STARD13: variants seen among roughly 807,000 people sequenced by gnomAD.
The protein encoded by STARD13 is stAR-related lipid transfer protein 13.
A neutral mutation model predicts 106.4 loss-of-function variants in STARD13; 62 were observed. The observed-to-expected ratio is 0.58, with a 90% CI of 0.48 to 0.72. The LOEUF (loss-of-function observed/expected upper bound fraction) is 0.72. Among genes scored for constraint, STARD13 ranks in the 30% least tolerant of loss-of-function variants. The pLI is 0.00. For synonymous variants in STARD13, 565 were observed against 553.0 expected, an observed-to-expected ratio of 1.02 and a Z score of -0.31; for missense variants, 1,387 against 1,424.0, an observed-to-expected ratio of 0.97 and a Z score of 0.42.
At chr13:33,224,940 G>A (rs1474471914) in intron 1 of STARD13, among the ~76,000 whole-genome samples, 2 of 152,016 alleles carry the variant, frequency 1.3e-5, no homozygotes, top group Non-Finnish European at 2.9e-5. Context: ...AGGAACAAAT[G>A]ACAGTAAAAC....
intron 1 of STARD13, among the ~76,000 whole-genome samples, chr13:33,310,060 T>C (rs1168208423): frequency 6.6e-6 from 1 of 152,200 alleles, no homozygotes; most frequent in Non-Finnish European, 1.5e-5. Flanking sequence ...TGCAAAGGCT[T>C]TCTTCTTCCC....
chr13:33,672,367 G>A, the STARD13 span, among the ~76,000 whole-genome samples: 15 of 152,122 alleles, frequency 9.9e-5, no homozygotes, highest in Non-Finnish European at 2.1e-4. Flanking sequence ...GCCTGTCACA[G>A]GGTGGGGACA....
chr13:33,505,443 G>A, the STARD13 span, among the ~76,000 whole-genome samples: 255 of 152,028 alleles, frequency 1.7e-3, 1 homozygote, highest in African/African-American at 4.6e-3. Flanking sequence ...ATATATAGTA[G>A]GACATTAAAT....
intron 1 of STARD13, among the ~76,000 whole-genome samples, chr13:33,263,090 A>G (rs61941428): frequency 0.25 from 37,262 of 152,040 alleles, 5,198 homozygotes; most frequent in African/African-American, 0.36. Context: ...CAGTTTCCTC[A>G]TTTTATTAGA....
chr13:33,325,216 A>T (rs934854393), intron 1 of STARD13, among the ~76,000 whole-genome samples: 9 of 152,070 alleles, frequency 5.9e-5, no homozygotes, highest in Admixed American at 5.9e-4. Context: ...ACTACTTCCT[A>T]CTGATGCTGA....
the STARD13 span, among the ~76,000 whole-genome samples, chr13:33,481,464 A>G: frequency 4.6e-5 from 7 of 152,228 alleles, no homozygotes; most frequent in South Asian, 2.1e-4. Flanking sequence ...TTTAGATGCA[A>G]CTATCAATTT....
chr13:33,594,987 T>G, the STARD13 span, among the ~76,000 whole-genome samples: 1 of 152,242 alleles, frequency 6.6e-6, no homozygotes, highest in Non-Finnish European at 1.5e-5. Context: ...CACAAATATT[T>G]TATCCCTGGT....
At chr13:33,132,559 C>T (rs755867967) in intron 4 of STARD13, among the ~76,000 whole-genome samples, 10 of 152,216 alleles carry the variant, frequency 6.6e-5, no homozygotes, top group African/African-American at 9.6e-5. Context: ...TTATCAGCAG[C>T]GTGAAAAATG....
downstream of STARD13, among the ~76,000 whole-genome samples, chr13:33,345,814 CG>C (rs2078011229): frequency 6.6e-6 from 1 of 151,954 alleles, no homozygotes. Context: ...CTGTGACCTA[CG>C]TTAAGAAATG....
the STARD13 span, among the ~76,000 whole-genome samples, chr13:33,470,404 A>T: frequency 6.6e-6 from 1 of 152,196 alleles, no homozygotes; most frequent in African/African-American, 2.4e-5. Context: ...GTGTCTTTAT[A>T]GTAGAATGAT....
the STARD13 span, among the ~76,000 whole-genome samples, chr13:33,483,727 G>C: frequency 6.6e-6 from 1 of 151,946 alleles, no homozygotes; most frequent in African/African-American, 2.4e-5. Flanking sequence ...CAATTGATCA[G>C]AGAGATGGAT....
At chr13:33,676,002 G>T in the STARD13 span, among the ~76,000 whole-genome samples, 1 of 152,116 alleles carries the variant, frequency 6.6e-6, no homozygotes, top group Non-Finnish European at 1.5e-5. Context: ...ACAAATAATT[G>T]CCTTCTATAT....
the STARD13 span, among the ~76,000 whole-genome samples, chr13:33,601,208 GT>G: frequency 6.7e-6 from 1 of 150,212 alleles, no homozygotes; most frequent in Admixed American, 6.6e-5. Flanking sequence ...TTCAAAAAAT[GT>G]TTTTGTTTTT....
rs559397541 is a variant in STARD13, at chr13:33,135,668, C to A, written c.388-5379G>T. ...CTAAAGTAGTAAGTGAAAAGGAATA[C>A]CCTAAACTTTTAACTTGCCTTAAAA... On this transcript the variant is annotated intron_variant, in intron 4 of 13. Transcript: ENST00000336934. 2.6e-5 allele frequency among the ~76,000 whole-genome samples: 4 copies of A among 152,208 alleles called. No homozygotes were observed. In the South Asian group the frequency reaches 8.3e-4, roughly 32 times the overall value.
chr13:33,583,137 T>C, the STARD13 span, among the ~76,000 whole-genome samples: 3 of 152,342 alleles, frequency 2.0e-5, no homozygotes, highest in African/African-American at 7.2e-5. Flanking sequence ...TTTCTTTTGC[T>C]ACTTAGAACT....
chr13:33,641,765 C>T, the STARD13 span, among the ~76,000 whole-genome samples: 7 of 152,134 alleles, frequency 4.6e-5, no homozygotes, highest in Admixed American at 2.6e-4. Flanking sequence ...CTCATTTGTT[C>T]GAGATCAGGA....
intron 1 of STARD13, among the ~76,000 whole-genome samples, chr13:33,219,830 AG>A (rs1223655318): frequency 3.3e-5 from 5 of 150,086 alleles, no homozygotes; most frequent in Admixed American, 2.6e-4. Flanking sequence ...AAAAAAAGAA[AG>A]AAAGAAAGAA....
chr13:33,330,620 T>G (rs1159168004), intron 1 of STARD13, among the ~76,000 whole-genome samples: 2 of 152,038 alleles, frequency 1.3e-5, no homozygotes, highest in Admixed American at 6.6e-5. Flanking sequence ...TTCAAGAGGG[T>G]GCTTCTAAAG....
At chr13:33,593,078 T>G in the STARD13 span, among the ~76,000 whole-genome samples, 1 of 152,236 alleles carries the variant, frequency 6.6e-6, no homozygotes, top group Non-Finnish European at 1.5e-5. Flanking sequence ...GGGCTGAGGA[T>G]CTGATACATG....
Sources: allele counts gnomAD v4.1 joint callset (sites outside exome capture counted in the v4.1 genomes callset), GRCh38; gene constraint gnomAD v4.1.1; transcripts MANE v1.5; gene names NCBI Gene and HGNC (gene_info 2026-07-23, HGNC 2026-07-21).